Variants in CELF4 observed in about 807,000 individuals in gnomAD.
CELF4 encodes CUGBP Elav-like family member 4.
A neutral mutation model predicts 59.9 loss-of-function variants in CELF4; 18 were observed. The observed-to-expected ratio is 0.30, with a 90% CI of 0.21 to 0.45. The LOEUF is 0.45. CELF4 is among the 20% of genes least tolerant of loss of function. CELF4 has a pLI of 1.00. For missense variants in CELF4, 456 were observed against 689.0 expected (o/e 0.66, Z 3.79); for synonymous variants, 261 against 267.1 (o/e 0.98, Z 0.22).
At chr18:37,366,720 G>A (rs2098789677) in intron 2 of CELF4, among the ~76,000 whole-genome samples, 2 of 152,184 alleles carry the variant, frequency 1.3e-5, no homozygotes, top group Admixed American at 6.5e-5. Flanking sequence ...CAAGAAGACT[G>A]GGCTTGGAGA....
At chr18:37,320,219 C>T (rs1166407784) in intron 3 of CELF4, among the ~76,000 whole-genome samples, 1 of 152,036 alleles carries the variant, frequency 6.6e-6, no homozygotes, top group Admixed American at 6.6e-5. Context: ...GCCTGTAGTC[C>T]CAGCTGCTGA....
At position 37,253,918 on chromosome 18, in the gene CELF4, G is replaced by A. The variant is rs2067209531; in HGVS notation, c.1354C>T (p.Pro452Ser). ...TGGATGGCGGTCTGCGCGCTGGCCGGGTTGTCGAAGCTCACGAAGCCTGGC... is the reference window on the plus strand; with the variant it reads ...TGGATGGCGGTCTGCGCGCTGGCCGAGTTGTCGAAGCTCACGAAGCCTGGC... ...LPFGFVSFDN[P>S]ASAQTAIQAM... is the part of the protein sequence containing the mutation. The change falls in exon 12 of 13, where the codon CCG becomes TCG. Residue 452 changes from proline (P) to serine (S), a missense_variant. Pro to Ser is a moderately conservative substitution (Grantham distance 74). This residue lies in a region of CELF4 where 256 missense variants were observed against 340.8 expected (regional missense o/e 0.75). Coordinates refer to ENST00000420428, the MANE Select transcript of CELF4 (RefSeq NM_020180.4). The surrounding 1 kb of genome is among the most constrained non-coding windows in gnomAD (Gnocchi z 4.5). The A allele has an allele frequency of 4.4e-6, 7 of 1,607,136 alleles. No individual in the cohort carries two copies. Among genetic ancestry groups the A allele is most frequent in the Non-Finnish European group, 5.9e-6 (7 of 1,177,208 alleles).
chr18:37,314,882 A>C (rs1458991750), intron 3 of CELF4, among the ~76,000 whole-genome samples: 1 of 151,962 alleles, frequency 6.6e-6, no homozygotes, highest in African/African-American at 2.4e-5. Flanking sequence ...GCTCCCATTG[A>C]CCAGGGAGAG....
intron 8 of CELF4, among the ~76,000 whole-genome samples, chr18:37,268,689 G>A (rs2078910488): frequency 1.3e-5 from 2 of 152,166 alleles, no homozygotes; most frequent in African/African-American, 4.8e-5. Context: ...CAAGAGGGGA[G>A]ATCAGAAAAG....
intron 2 of CELF4, among the ~76,000 whole-genome samples, chr18:37,441,407 C>T (rs954962890): frequency 6.6e-6 from 1 of 151,764 alleles, no homozygotes; most frequent in African/African-American, 2.4e-5. Flanking sequence ...AGACAGATGC[C>T]GGATATGTTT....
chr18:37,469,889 G>A (rs544045251), intron 2 of CELF4, among the ~76,000 whole-genome samples: 7 of 152,152 alleles, frequency 4.6e-5, no homozygotes, highest in Non-Finnish European at 1.0e-4. Flanking sequence ...AAGCTCCATG[G>A]GGTCTGAGAG....
intron 1 of CELF4, among the ~76,000 whole-genome samples, chr18:37,552,045 A>G (rs1362253037): frequency 3.9e-5 from 6 of 152,210 alleles, no homozygotes; most frequent in African/African-American, 1.4e-4. Flanking sequence ...CCCATCTGCC[A>G]GGCTGGGCTT....
chr18:37,353,438 G>C (rs979802249), intron 2 of CELF4, among the ~76,000 whole-genome samples: 8 of 151,510 alleles, frequency 5.3e-5, no homozygotes, highest in South Asian at 2.1e-4. Context: ...CAGTGGATGT[G>C]GGGGAAGGGG....
chr18:37,343,021 G>A (rs1158744284), intron 2 of CELF4, among the ~76,000 whole-genome samples: 2 of 152,176 alleles, frequency 1.3e-5, no homozygotes, highest in Non-Finnish European at 2.9e-5. Context: ...GAAATGAAAC[G>A]TGTGGGCGGC....
intron 3 of CELF4, among the ~76,000 whole-genome samples, chr18:37,308,096 C>T (rs1437401914): frequency 6.6e-6 from 1 of 152,046 alleles, no homozygotes; most frequent in East Asian, 1.9e-4. Flanking sequence ...AATTCTCCTG[C>T]CCCCTGCCCA....
At chr18:37,553,389 G>A (rs1469460594) in intron 1 of CELF4, among the ~76,000 whole-genome samples, 1 of 152,116 alleles carries the variant, frequency 6.6e-6, no homozygotes, top group Non-Finnish European at 1.5e-5. Context: ...TAGCATATGA[G>A]TGTGCCACGT....
intron 2 of CELF4, among the ~76,000 whole-genome samples, chr18:37,336,755 G>A (rs573733480): frequency 3.3e-5 from 5 of 152,326 alleles, no homozygotes; most frequent in South Asian, 2.1e-4. Context: ...GCCAGCGTGC[G>A]TGGCCGATGA....
At chr18:37,458,501 G>T (rs758465795) in intron 2 of CELF4, among the ~76,000 whole-genome samples, 1 of 152,198 alleles carries the variant, frequency 6.6e-6, no homozygotes, top group African/African-American at 2.4e-5. Flanking sequence ...ATGGAATGAG[G>T]TTCTTCAACC....
intron 3 of CELF4, among the ~76,000 whole-genome samples, chr18:37,295,072 G>A (rs1323246153): frequency 3.9e-5 from 6 of 152,150 alleles, no homozygotes; most frequent in African/African-American, 1.4e-4. Flanking sequence ...TGTCTCTGGG[G>A]CTCTGACTTG....
chr18:37,490,970 G>A (rs1230102160), intron 1 of CELF4, among the ~76,000 whole-genome samples: 2 of 152,130 alleles, frequency 1.3e-5, no homozygotes, highest in Non-Finnish European at 2.9e-5. Flanking sequence ...GGATCAAGCA[G>A]GATAGAAGCG....
chr18:37,531,094 G>A (rs923341550), intron 1 of CELF4, among the ~76,000 whole-genome samples: 2 of 152,092 alleles, frequency 1.3e-5, no homozygotes, highest in African/African-American at 4.8e-5. Context: ...CAGGCTTGTC[G>A]GTGGCTCTGG....
chr18:37,557,054 A>G (rs546645219), intron 1 of CELF4, among the ~76,000 whole-genome samples: 1 of 152,322 alleles, frequency 6.6e-6, no homozygotes, highest in East Asian at 1.9e-4. Flanking sequence ...GGTTCAATAC[A>G]GCATCATCTA....
chr18:37,321,621 C>T (rs2097123094), intron 3 of CELF4, among the ~76,000 whole-genome samples, 182 bp downstream of exon 3: 1 of 152,212 alleles, frequency 6.6e-6, no homozygotes, highest in South Asian at 2.1e-4. Flanking sequence ...CCCCCCTTCC[C>T]TCCTGTCTCT....
intron 2 of CELF4, among the ~76,000 whole-genome samples, chr18:37,370,689 G>A (rs2098848546): frequency 6.6e-6 from 1 of 152,120 alleles, no homozygotes; most frequent in Admixed American, 6.6e-5. Flanking sequence ...TCGAGCCCCA[G>A]AAACAAGCCT....
Sources: gnomAD v4.1 joint callset for allele counts (sites outside exome capture counted in the v4.1 genomes callset) on GRCh38, gnomAD v4.1.1 for gene constraint, gnomAD v4.1.1 regional missense constraint, Gnocchi (gnomAD v3.1) non-coding constraint, MANE v1.5 for transcripts, NCBI Gene and HGNC (gene_info 2026-07-23, HGNC 2026-07-21) for gene names.